SARNP: variants seen among roughly 807,000 people sequenced by gnomAD.
SARNP encodes SAP domain containing ribonucleoprotein.
SARNP carries 5 observed loss-of-function variants against 38.1 expected under a neutral mutation model. That is an observed-to-expected ratio of 0.13 (90% CI 0.07 to 0.28). The LOEUF is 0.28. SARNP is among the 10% of genes least tolerant of loss of function. The pLI is 1.00. For missense variants in SARNP, 180 were observed against 243.9 expected (o/e 0.74, Z 1.75); for synonymous variants, 84 against 80.6 (o/e 1.04, Z -0.23).
intron 1 of SARNP, among the ~76,000 whole-genome samples, chr12:55,816,327 G>C (rs1341177596): frequency 1.3e-5 from 2 of 152,124 alleles, no homozygotes; most frequent in Admixed American, 1.3e-4. Flanking sequence ...TATAAGTACA[G>C]TATATATAAA....
rs1162009254 is a variant in SARNP, at chr12:55,764,832, CAAAAAAAAAAAA to C, written c.502-4204_502-4193del. Among the ~76,000 whole-genome samples, 4 of 62,028 alleles carry C rather than the reference CAAAAAAAAAAAA, an allele frequency of 6.4e-5. No homozygotes were observed. The South Asian group carries it at 2.5e-3, about 39-fold the overall frequency. 40.7% of individuals were successfully genotyped at this position (62,028 alleles called of 152,430 possible). A position where few individuals can be genotyped will look rare whatever the true frequency, so the allele number is the denominator to read the frequency against. On this transcript the variant is annotated intron_variant, in intron 9 of 10. Transcript: ENST00000336133. The stretch of plus-strand genomic sequence containing the variant: ...GGCAACAGAGCCAGACTCTGTCTCA[CAAAAAAAAAAAA>C]AAAAAAAAAGGAAGGTTTCCAACAA...
chr12:55,771,982 G>A (rs1209207078), intron 9 of SARNP, among the ~76,000 whole-genome samples: 2 of 152,106 alleles, frequency 1.3e-5, no homozygotes, highest in East Asian at 3.9e-4. Context: ...GCAACTGATG[G>A]TTATTCTCTC....
chr12:55,792,132 G>GT (rs1336914006), intron 7 of SARNP, among the ~76,000 whole-genome samples: 5 of 151,918 alleles, frequency 3.3e-5, no homozygotes, highest in Admixed American at 6.6e-5. Flanking sequence ...AATTTCTGTT[G>GT]TATCTTCACC....
At chr12:55,794,302 T>C (rs1427661402) in intron 7 of SARNP, 57 bp downstream of exon 7, 1 of 1,442,996 alleles carries the variant, frequency 6.9e-7, no homozygotes, top group Non-Finnish European at 9.7e-7. Flanking sequence ...AAACCTGTTA[T>C]ACCAGAAAAG....
chr12:55,756,989 C>T (rs1442267927), downstream of SARNP: 1 of 152,236 alleles, frequency 6.6e-6, no homozygotes, highest in Non-Finnish European at 1.5e-5. Context: ...CACCTAAAAC[C>T]TCCCATGTTC....
Position 55,766,837 on chromosome 12 carries a change from G to T in SARNP, c.502-6197C>A, listed in dbSNP as rs373136171. ...GGGTTTCACCATGTTGCCCAGGCTG[G>T]TCTTGAACTCCTAAGCTCAAGCAAT... On this transcript the variant is annotated intron_variant, in intron 9 of 10. Coordinates refer to ENST00000336133, the MANE Select transcript of SARNP (RefSeq NM_033082.4). Among the ~76,000 whole-genome samples the T allele has an allele frequency of 4.6e-5, 7 of 152,036 alleles. No homozygotes were observed. The East Asian group carries it at 1.2e-3, about 25-fold the overall frequency.
At chr12:55,773,867 C>A (rs1240971342) in intron 9 of SARNP, among the ~76,000 whole-genome samples, 1 of 152,046 alleles carries the variant, frequency 6.6e-6, no homozygotes, top group East Asian at 1.9e-4. Context: ...GCCCACCACA[C>A]CAGCTAATTT....
intron 1 of SARNP, 21 bp from the exon 2 acceptor site, chr12:55,803,749 C>T: frequency 1.9e-6 from 3 of 1,570,924 alleles, no homozygotes; most frequent in Non-Finnish European, 2.6e-6. Context: ...AAAAATAAAA[C>T]TTTTCCTTAG....
chr12:55,761,338 CTTG>C (rs1285326229), intron 9 of SARNP, among the ~76,000 whole-genome samples: 1 of 152,136 alleles, frequency 6.6e-6, no homozygotes, highest in Non-Finnish European at 1.5e-5. Context: ...ACCCAAACTA[CTTG>C]TTGAACAATG....
chr12:55,807,787 C>T (rs1239100078), intron 1 of SARNP, among the ~76,000 whole-genome samples: 3 of 148,708 alleles, frequency 2.0e-5, no homozygotes, highest in African/African-American at 7.4e-5. Context: ...GTACTTCCAC[C>T]GGGGTGACAG....
At chr12:55,768,827 G>T (rs1029310062) in intron 9 of SARNP, among the ~76,000 whole-genome samples, 1 of 152,058 alleles carries the variant, frequency 6.6e-6, no homozygotes, top group South Asian at 2.1e-4. Context: ...GGGTTTAAGC[G>T]ATTCTCCTGT....
At chr12:55,816,434 C>T (rs1476670426) in intron 1 of SARNP, among the ~76,000 whole-genome samples, 2 of 152,042 alleles carry the variant, frequency 1.3e-5, no homozygotes, top group African/African-American at 4.8e-5. Flanking sequence ...ATCAAGTTAA[C>T]AATAACTCCA....
At chr12:55,782,913 C>T (rs1879380776) in intron 9 of SARNP, among the ~76,000 whole-genome samples, 1 of 152,062 alleles carries the variant, frequency 6.6e-6, no homozygotes, top group South Asian at 2.1e-4. Context: ...GAGTTCAAGA[C>T]CAGCCTGGGC....
rs1565673497 is a variant in SARNP at position 55,774,558 on chromosome 12, T to TAAAAAAAAAAAAAAAAAAAAAAA, written c.502-13919_502-13918insTTTTTTTTTTTTTTTTTTTTTTT. Among the ~76,000 whole-genome samples the TAAAAAAAAAAAAAAAAAAAAAAA allele has an allele frequency of 5.4e-4, 22 of 40,522 alleles. 3 individuals are homozygous for TAAAAAAAAAAAAAAAAAAAAAAA. Among genetic ancestry groups the TAAAAAAAAAAAAAAAAAAAAAAA allele is most frequent in the South Asian group, 1.1e-3 (1 of 920 alleles). The allele number at this position is 40,522 out of a possible 152,430, so 26.6% of individuals were successfully genotyped here. A position where few individuals can be genotyped will look rare whatever the true frequency, so the allele number is the denominator to read the frequency against. On this transcript the variant is annotated intron_variant, in intron 9 of 10. Coordinates refer to ENST00000336133, the MANE Select transcript of SARNP (RefSeq NM_033082.4). ...CGACACGGTGAAACCCCGTCTCTAC[T>TAAAAAAAAAAAAAAAAAAAAAAA]GAAAAAAAAAAAAAAACAAACAAAA...
chr12:55,777,503 T>C (rs1879217506), intron 9 of SARNP, among the ~76,000 whole-genome samples: 1 of 151,826 alleles, frequency 6.6e-6, no homozygotes, highest in Non-Finnish European at 1.5e-5. Context: ...GCCTCCCGAG[T>C]AGCTGGGACT....
chr12:55,808,736 G>C (rs1236742652), intron 1 of SARNP, among the ~76,000 whole-genome samples: 2 of 152,002 alleles, frequency 1.3e-5, no homozygotes, highest in African/African-American at 4.8e-5. Context: ...ACTCCAGCCT[G>C]GGCAACACAG....
chr12:55,814,627 T>C (rs1880427240), intron 1 of SARNP, among the ~76,000 whole-genome samples: 1 of 152,192 alleles, frequency 6.6e-6, no homozygotes, highest in East Asian at 1.9e-4. Context: ...CCCAGCACTT[T>C]GGGAGGCCAA....
intron 1 of SARNP, among the ~76,000 whole-genome samples, chr12:55,805,261 AAAAATAAATAAAT>A (rs1464719895): frequency 2.6e-5 from 4 of 152,236 alleles, no homozygotes; most frequent in Admixed American, 6.5e-5. Flanking sequence ...ACTCCGTCTC[AAAAATAAATAAAT>A]AAAATAAATA....
chr12:55,805,396 A>G (rs1228534070), intron 1 of SARNP, among the ~76,000 whole-genome samples: 1 of 152,080 alleles, frequency 6.6e-6, no homozygotes, highest in Non-Finnish European at 1.5e-5. Context: ...ACTGAGGAAC[A>G]TGGTAGGTAA....
Sources: allele counts gnomAD v4.1 joint callset (sites outside exome capture counted in the v4.1 genomes callset), GRCh38; gene constraint gnomAD v4.1.1; transcripts MANE v1.5; gene names NCBI Gene and HGNC (gene_info 2026-07-23, HGNC 2026-07-21).